The following XRN2 variants were observed in gnomAD, a reference collection of about 807,000 sequenced individuals.
XRN2 encodes 5'-3' exoribonuclease 2.
Under a neutral mutation model 138.5 loss-of-function variants are expected in XRN2, and 44 were observed. The observed-to-expected ratio is 0.32, with a 90% CI of 0.25 to 0.41. XRN2 has a LOEUF of 0.41. XRN2 is among the 10% of genes least tolerant of loss of function. XRN2 has a pLI of 1.00. For synonymous variants in XRN2, 354 were observed against 369.4 expected (o/e 0.96, Z 0.48); for missense variants, 937 against 1,169.3 (o/e 0.80, Z 2.90).
At chr20:21,378,758 AT>A (rs1242515679) in intron 27 of XRN2, among the ~76,000 whole-genome samples, 1 of 152,076 alleles carries the variant, frequency 6.6e-6, no homozygotes, top group Non-Finnish European at 1.5e-5. Flanking sequence ...TATCATAATC[AT>A]TTTCTTCGTG....
chr20:21,342,294 C>T (rs1329671889), intron 15 of XRN2, among the ~76,000 whole-genome samples: 1 of 151,850 alleles, frequency 6.6e-6, no homozygotes, highest in African/African-American at 2.4e-5. Flanking sequence ...GCTTCCATTT[C>T]CTTATATTTG....
intron 6 of XRN2, among the ~76,000 whole-genome samples, 164 bp from the exon 7 acceptor site, chr20:21,331,397 T>A (rs2038205218): frequency 9.9e-6 from 1 of 101,006 alleles, no homozygotes; most frequent in Non-Finnish European, 2.0e-5. Flanking sequence ...TTTTGGTGTT[T>A]TTCACACACA....
At chr20:21,340,242 T>C (rs1030711353) in intron 14 of XRN2, among the ~76,000 whole-genome samples, 1 of 151,996 alleles carries the variant, frequency 6.6e-6, no homozygotes, top group East Asian at 1.9e-4. Flanking sequence ...TTGCAGTGAG[T>C]GGAGATTGCA....
At chr20:21,348,072 TTTTTG>T in intron 17 of XRN2, 69 bp from the exon 18 acceptor site, 1 of 1,139,192 alleles carries the variant, frequency 8.8e-7, no homozygotes, top group South Asian at 1.5e-5. Flanking sequence ...AACAGTCTAA[TTTTTG>T]TTTTTTTTAA....
chr20:21,306,893 C>T lies in XRN2; in HGVS notation c.75+3420C>T, dbSNP rs181681271. 4.6e-4 allele frequency among the ~76,000 whole-genome samples: 35 copies of T among 75,660 alleles called. 11 individuals carry two copies. Among genetic ancestry groups the T allele is most frequent in the Admixed American group, 1.9e-3 (12 of 6,322 alleles). 49.6% of individuals were successfully genotyped at this position (75,660 alleles called of 152,430 possible). ...CATGGTGGCGCGCCTGTAGTCCCAGCTACTTGGGAGGCTGAGGCAGGAGAA... is the reference window on the plus strand; with the variant it reads ...CATGGTGGCGCGCCTGTAGTCCCAGTTACTTGGGAGGCTGAGGCAGGAGAA... On this transcript the variant is annotated intron_variant, in intron 1 of 29. Transcript: ENST00000377191.
chr20:21,338,542 T>C (rs1476402816), intron 13 of XRN2, among the ~76,000 whole-genome samples: 2 of 152,148 alleles, frequency 1.3e-5, no homozygotes, highest in African/African-American at 4.8e-5. Flanking sequence ...TTCTCTCTTT[T>C]CTCCATTGTG....
chr20:21,351,026 GTAAAT>G (rs1190533694), intron 20 of XRN2, among the ~76,000 whole-genome samples: 3 of 152,086 alleles, frequency 2.0e-5, no homozygotes, highest in Non-Finnish European at 4.4e-5. Context: ...AAAATACTAA[GTAAAT>G]TAAGAAGCAA....
chr20:21,339,048 G>C lies in XRN2; in HGVS notation c.1238G>C (p.Ser413Thr). ...IFKKRKDDEDSFRRRQKEKRK... is the reference protein window; with the variant it reads ...IFKKRKDDEDTFRRRQKEKRK... ...ATGTGGATTTTATACTTTTAGGACA[G>C]TTTTAGAAGACGACAGAAAGAAAAA... Residue 413 changes from serine (S) to threonine (T), a missense_variant, in exon 14 of 30, where the codon AGT (serine) becomes ACT (threonine). Physicochemically the swap from Ser to Thr is moderately conservative, Grantham distance 58. Coordinates refer to ENST00000377191, the MANE Select transcript of XRN2 (RefSeq NM_012255.5). 6.2e-7 allele frequency: 1 copy of C among 1,605,814 alleles called. No individual in the cohort carries two copies. The highest frequency in any genetic ancestry group is 1.1e-5 in the South Asian group (1 of 90,046).
At chr20:21,321,545 C>T (rs2038046311) in intron 1 of XRN2, among the ~76,000 whole-genome samples, 2 of 152,036 alleles carry the variant, frequency 1.3e-5, no homozygotes, top group Admixed American at 1.3e-4. Flanking sequence ...GCCTTGAACT[C>T]CTGGGTGCAA....
chr20:21,326,699 A>G (rs763951581), intron 3 of XRN2, 98 bp downstream of exon 3: 63 of 937,748 alleles, frequency 6.7e-5, no homozygotes, highest in Admixed American at 1.9e-4. Context: ...AAATGTTGAC[A>G]GTGATGAACT....
At chr20:21,384,049 C>CT (rs543648186) in intron 28 of XRN2, among the ~76,000 whole-genome samples, 4 of 151,996 alleles carry the variant, frequency 2.6e-5, no homozygotes, top group African/African-American at 4.8e-5. Flanking sequence ...TTTTGAGTGT[C>CT]TTTTTTTTAT....
intron 20 of XRN2, among the ~76,000 whole-genome samples, 159 bp downstream of exon 20, chr20:21,349,620 G>A (rs1218075376): frequency 3.9e-5 from 6 of 152,194 alleles, no homozygotes; most frequent in Non-Finnish European, 8.8e-5. Flanking sequence ...GCTTGCACCT[G>A]TAGTCCCATC....
intron 1 of XRN2, among the ~76,000 whole-genome samples, chr20:21,319,302 C>T (rs142408806): frequency 8.3e-4 from 126 of 152,198 alleles, no homozygotes; most frequent in Admixed American, 4.1e-3. Flanking sequence ...CTGTAGATAA[C>T]GCAGAGTTAG....
In XRN2 at chr20:21,389,475, C is replaced by A; in HGVS notation, c.*137C>A. On this transcript the variant is annotated 3_prime_UTR_variant, in exon 30 of 30. Transcript: ENST00000377191. ...TTTCTTTTAACTGTGTATATTTCTA[C>A]TGATCTGATCTCACTGTTTATGTTG... 1 of 713,060 alleles carries A rather than the reference C, an allele frequency of 1.4e-6. No individual in the cohort carries two copies. Among genetic ancestry groups the A allele is most frequent in the Non-Finnish European group, 2.2e-6 (1 of 448,438 alleles). 44.2% of individuals were successfully genotyped at this position (713,060 alleles called of 1,614,324 possible).
chr20:21,374,492 C>G (rs951419539), intron 27 of XRN2, among the ~76,000 whole-genome samples: 15 of 151,818 alleles, frequency 9.9e-5, no homozygotes, highest in Non-Finnish European at 2.1e-4. Flanking sequence ...TGAGGAAGTT[C>G]TTCTATTCTT....
chr20:21,374,145 G>T (rs1268901320), intron 27 of XRN2, among the ~76,000 whole-genome samples: 2 of 152,042 alleles, frequency 1.3e-5, no homozygotes, highest in Non-Finnish European at 2.9e-5. Flanking sequence ...TTGTTTATAT[G>T]TAGAAATAAA....
chr20:21,375,609 A>G (rs1055948529), intron 27 of XRN2, among the ~76,000 whole-genome samples: 13 of 151,604 alleles, frequency 8.6e-5, no homozygotes, highest in Admixed American at 7.9e-4. Flanking sequence ...GGCTTTTCCA[A>G]TAATCTTTTA....
intron 19 of XRN2, 40 bp from the exon 20 acceptor site, chr20:21,349,349 T>A: frequency 7.7e-7 from 1 of 1,298,348 alleles, no homozygotes; most frequent in East Asian, 2.3e-5. Context: ...CAGAGATGTG[T>A]GACTTCTGTT....
chr20:21,351,349 AGT>A (rs937746471), intron 20 of XRN2, among the ~76,000 whole-genome samples: 9 of 152,214 alleles, frequency 5.9e-5, no homozygotes, highest in East Asian at 1.9e-4. Context: ...CCTAATGATT[AGT>A]GATACTGAAC....
Sources: gnomAD v4.1 joint callset for allele counts (sites outside exome capture counted in the v4.1 genomes callset) on GRCh38, gnomAD v4.1.1 for gene constraint, MANE v1.5 for transcripts, NCBI Gene and HGNC (gene_info 2026-07-23, HGNC 2026-07-21) for gene names.